PTPRD: variants seen among roughly 807,000 people sequenced by gnomAD.
The protein encoded by PTPRD is receptor-type tyrosine-protein phosphatase delta.
In PTPRD, 34 loss-of-function variants were observed where a neutral mutation model predicts 214.5. The ratio of observed to expected loss-of-function variants is 0.16; its 90% CI spans 0.12 to 0.21. PTPRD has a LOEUF of 0.21. Among genes scored for constraint, PTPRD ranks in the 10% least tolerant of loss-of-function variants. PTPRD has a pLI of 1.00. For missense variants in PTPRD, 2,545 were observed against 2,398.7 expected, an observed-to-expected ratio of 1.06 and a Z score of -1.27; for synonymous variants, 1,128 against 845.7, an observed-to-expected ratio of 1.33 and a Z score of -5.79.
intron 2 of PTPRD, among the ~76,000 whole-genome samples, chr9:10,529,136 CAT>C (rs1244563257): frequency 2.0e-5 from 3 of 152,098 alleles, no homozygotes; most frequent in African/African-American, 7.2e-5. Flanking sequence ...GATGCATTCA[CAT>C]ATCTCTTTTA....
intron 2 of PTPRD, among the ~76,000 whole-genome samples, chr9:10,526,922 A>T (rs1359723518): frequency 6.6e-6 from 1 of 152,136 alleles, no homozygotes; most frequent in Non-Finnish European, 1.5e-5. Flanking sequence ...TCATCTGCAG[A>T]TGGCAACAAA....
chr9:9,441,867 G>C (rs535218167), intron 8 of PTPRD, among the ~76,000 whole-genome samples: 78 of 152,218 alleles, frequency 5.1e-4, no homozygotes, highest in Non-Finnish European at 9.3e-4. Flanking sequence ...AATTGCTTCT[G>C]CTGAAACATC....
intron 33 of PTPRD, 105 bp from the exon 34 acceptor site, chr9:8,449,942 T>C (rs1408202437): frequency 3.6e-6 from 4 of 1,103,418 alleles, no homozygotes; most frequent in Non-Finnish European, 5.2e-6. Context: ...AAGTTTTCAG[T>C]TTTACAACTT....
chr9:10,466,623 CAAAAAAAAAAAAAAAAA>C (rs66705572), intron 2 of PTPRD, among the ~76,000 whole-genome samples: 1 of 76,874 alleles, frequency 1.3e-5, no homozygotes, highest in Admixed American at 1.8e-4. Context: ...AACTCCAACT[CAAAAAAAAAAAAAAAAA>C]AAAAAAAAAA....
At chr9:9,126,160 A>T (rs745334480) in intron 10 of PTPRD, among the ~76,000 whole-genome samples, 13 of 152,212 alleles carry the variant, frequency 8.5e-5, no homozygotes, top group Non-Finnish European at 1.8e-4. Flanking sequence ...TCTTTGTAGG[A>T]TTTTAAGCAG....
chr9:9,124,528 C>A (rs2099823097), intron 10 of PTPRD, among the ~76,000 whole-genome samples: 1 of 151,958 alleles, frequency 6.6e-6, no homozygotes, highest in African/African-American at 2.4e-5. Flanking sequence ...AATTATAAGA[C>A]TAAAAACAAT....
rs576474750 is a variant in PTPRD, at chr9:8,708,815, T to C, written c.64+24965A>G. 2.2e-4 allele frequency among the ~76,000 whole-genome samples: 33 copies of C among 151,526 alleles called. 1 individual carries two copies. In the South Asian group the frequency reaches 6.3e-3, roughly 29 times the overall value. On this transcript the variant is annotated intron_variant, in intron 12 of 45. Transcript: ENST00000381196. ...ATTCCCCTGTTTATTGCAGTAATAC[T>C]CACATTAGCCAAGATGTGGAAGCAA...
At chr9:8,619,522 C>T (rs765530198) in intron 14 of PTPRD, among the ~76,000 whole-genome samples, 4 of 151,910 alleles carry the variant, frequency 2.6e-5, no homozygotes, top group Admixed American at 1.3e-4. Flanking sequence ...CAACCAAATG[C>T]ATTAAAAAAA....
chr9:9,785,417 A>G (rs2098915333), intron 5 of PTPRD, among the ~76,000 whole-genome samples: 1 of 152,072 alleles, frequency 6.6e-6, no homozygotes, highest in Non-Finnish European at 1.5e-5. Context: ...TATCATTATC[A>G]TGTACCTTGA....
Position 10,428,472 on chromosome 9 carries a change from T to C in PTPRD, c.-599-87455A>G, listed in dbSNP as rs868155189. Among the ~76,000 whole-genome samples the C allele has an allele frequency of 3.3e-5, 5 of 152,076 alleles. No individual in the cohort carries two copies. In the South Asian group the frequency reaches 8.3e-4, roughly 25 times the overall value. ...AAAAGTGCCACATGTTGCAAACAGT[T>C]ATTTTTACCTTTTTGTCTCAATGCT... On this transcript the variant is annotated intron_variant, in intron 2 of 45. Coordinates refer to ENST00000381196, the MANE Select transcript of PTPRD (RefSeq NM_002839.4).
chr9:9,248,837 G>A (rs147923235), intron 9 of PTPRD, among the ~76,000 whole-genome samples: 107 of 152,110 alleles, frequency 7.0e-4, no homozygotes, highest in African/African-American at 1.9e-3. Flanking sequence ...ACAAACATAA[G>A]CAAGTAAAGT....
intron 3 of PTPRD, among the ~76,000 whole-genome samples, chr9:10,283,779 A>C (rs766650721): frequency 1.6e-4 from 25 of 152,136 alleles, no homozygotes; most frequent in Non-Finnish European, 3.2e-4. Context: ...TTCTGAAGTA[A>C]AGTCCTTTCA....
intron 3 of PTPRD, among the ~76,000 whole-genome samples, chr9:10,035,051 C>A (rs2097153042): frequency 6.6e-6 from 1 of 152,168 alleles, no homozygotes; most frequent in Admixed American, 6.5e-5. Flanking sequence ...TGTGGTTGAA[C>A]TAATTTACAC....
chr9:10,446,130 C>G (rs2098797312), intron 2 of PTPRD, among the ~76,000 whole-genome samples: 1 of 151,938 alleles, frequency 6.6e-6, no homozygotes, highest in South Asian at 2.1e-4. Context: ...CTCCACCCCA[C>G]CCCCTTTGAA....
At chr9:8,986,313 T>C (rs1044661886) in intron 11 of PTPRD, among the ~76,000 whole-genome samples, 3 of 152,042 alleles carry the variant, frequency 2.0e-5, no homozygotes, top group African/African-American at 7.2e-5. Context: ...TTATTTTTTA[T>C]TTATGGAAGT....
intron 44 of PTPRD, among the ~76,000 whole-genome samples, chr9:8,325,348 G>C (rs902107512): frequency 6.7e-6 from 1 of 148,880 alleles, no homozygotes; most frequent in African/African-American, 2.5e-5. Context: ...TTAAATAGAG[G>C]AGCCTTTCCC....
At chr9:8,543,163 G>T (rs114641537) in intron 14 of PTPRD, among the ~76,000 whole-genome samples, 1 of 152,156 alleles carries the variant, frequency 6.6e-6, no homozygotes, top group African/African-American at 2.4e-5. Flanking sequence ...ACTCAGAAGC[G>T]ATGTAATAAA....
At chr9:10,044,733 A>C (rs2097358777) in intron 3 of PTPRD, among the ~76,000 whole-genome samples, 1 of 151,722 alleles carries the variant, frequency 6.6e-6, no homozygotes, top group Non-Finnish European at 1.5e-5. Flanking sequence ...TAGAGCTGAG[A>C]CTGGAACCCA....
intron 4 of PTPRD, among the ~76,000 whole-genome samples, chr9:10,008,274 C>T (rs1354477523): frequency 6.6e-6 from 1 of 151,854 alleles, no homozygotes; most frequent in Non-Finnish European, 1.5e-5. Context: ...AAAAGTTGAA[C>T]CAAAACCAGC....
Sources: gnomAD v4.1 joint callset for allele counts (sites outside exome capture counted in the v4.1 genomes callset) on GRCh38, gnomAD v4.1.1 for gene constraint, MANE v1.5 for transcripts, NCBI Gene and HGNC (gene_info 2026-07-23, HGNC 2026-07-21) for gene names.